Variants in TTC23L observed in about 807,000 individuals in gnomAD.
TTC23L encodes the protein tetratricopeptide repeat protein 23-like.
A neutral mutation model predicts 48.1 loss-of-function variants in TTC23L; 42 were observed. The observed-to-expected ratio is 0.87, with a 90% confidence interval of 0.68 to 1.13. The LOEUF (loss-of-function observed/expected upper bound fraction) is 1.13. TTC23L is among the 50% of genes most tolerant of loss of function. TTC23L has a pLI of 0.00. For missense variants in TTC23L, 391 were observed against 421.0 expected (o/e 0.93, Z 0.62); for synonymous variants, 159 against 157.2 (o/e 1.01, Z -0.09).
chr5:34,843,982 T>TA (rs201569717), intron 2 of TTC23L, among the ~76,000 whole-genome samples: 72 of 151,440 alleles, frequency 4.8e-4, no homozygotes, highest in African/African-American at 1.5e-3. Flanking sequence ...CAAACAACAA[T>TA]AAAAAAAAAT....
chr5:34,876,483 AG>A (rs1291318293), intron 8 of TTC23L, among the ~76,000 whole-genome samples: 1 of 152,210 alleles, frequency 6.6e-6, no homozygotes, highest in Non-Finnish European at 1.5e-5. Flanking sequence ...GAAAAACTCT[AG>A]GCTCACAAAT....
chr5:34,879,052 A>G (rs1482724567), intron 8 of TTC23L, among the ~76,000 whole-genome samples: 1 of 152,212 alleles, frequency 6.6e-6, no homozygotes, highest in African/African-American at 2.4e-5. Context: ...AGCAAAATGG[A>G]TGGAACTGAA....
At chr5:34,914,302 A>G in the TTC23L span, among the ~76,000 whole-genome samples, 3 of 152,250 alleles carry the variant, frequency 2.0e-5, no homozygotes, top group Non-Finnish European at 4.4e-5. Context: ...GACTGTTGGC[A>G]AATCACTTAA....
intron 4 of TTC23L, among the ~76,000 whole-genome samples, chr5:34,860,543 C>T (rs1464262980): frequency 3.3e-5 from 5 of 152,150 alleles, no homozygotes; most frequent in Non-Finnish European, 7.3e-5. Flanking sequence ...GCTGTAACTA[C>T]TGGAAGTGTG....
chr5:34,903,202 G>A (rs1763552963), downstream of TTC23L, among the ~76,000 whole-genome samples: 1 of 152,044 alleles, frequency 6.6e-6, no homozygotes, highest in Admixed American at 6.5e-5. Flanking sequence ...CATTGTCTGA[G>A]GTTTTGATAT....
chr5:34,897,008 T>G, intron 10 of TTC23L, 133 bp downstream of exon 10: 1 of 498,674 alleles, frequency 2.0e-6, no homozygotes, highest in Non-Finnish European at 3.6e-6. Context: ...AAAAATCATT[T>G]AAGGAAAAAA....
chr5:34,906,470 C>G, the TTC23L span: 1 of 152,044 alleles, frequency 6.6e-6, no homozygotes, highest in Non-Finnish European at 1.5e-5. Flanking sequence ...AAAACCCCAT[C>G]TCTACAAAAA....
At chr5:34,919,821 C>A in the TTC23L span, 1 of 866,704 alleles carries the variant, frequency 1.2e-6, no homozygotes, top group Non-Finnish European at 1.7e-6. Flanking sequence ...CTTGCTTTTT[C>A]TTTTTTTTCT....
chr5:34,847,457 A>G (rs1759300513), intron 3 of TTC23L, among the ~76,000 whole-genome samples: 1 of 150,214 alleles, frequency 6.7e-6, no homozygotes, highest in Non-Finnish European at 1.5e-5. Context: ...TTCTTTGTAT[A>G]TCAGTTATAG....
At position 34,859,887 on chromosome 5, in the gene TTC23L, A is replaced by G. The variant is rs181315852; in HGVS notation, c.380-3011A>G. On this transcript the variant is annotated intron_variant, in intron 4 of 10. Transcript: ENST00000505624. ...GAGACGGAATCTCACTCTGTTGTCC[A>G]GGCTGGAGTGCAGTAGCGTGATCTC... Among the ~76,000 whole-genome samples, 57 of 119,950 alleles carry G rather than the reference A, an allele frequency of 4.8e-4. No individual in the cohort carries two copies. The East Asian group carries it at 0.013, about 28-fold the overall frequency. The allele number at this position is 119,950 out of a possible 152,430, so 78.7% of individuals were successfully genotyped here.
chr5:34,922,219 T>G, the TTC23L span: 3 of 1,566,696 alleles, frequency 1.9e-6, no homozygotes, highest in Non-Finnish European at 2.6e-6. Context: ...TCCTTTAGGT[T>G]TGTGAAATGA....
intron 8 of TTC23L, among the ~76,000 whole-genome samples, chr5:34,870,990 A>T (rs1314442487): frequency 1.3e-5 from 2 of 152,204 alleles, no homozygotes; most frequent in Non-Finnish European, 2.9e-5. Context: ...AAAACCCTGC[A>T]GCTGATTTCA....
chr5:34,877,938 G>A (rs544201676), intron 8 of TTC23L, among the ~76,000 whole-genome samples: 2 of 152,174 alleles, frequency 1.3e-5, no homozygotes, highest in East Asian at 3.9e-4. Flanking sequence ...AAATTTGAAA[G>A]AATCAACAAA....
At chr5:34,924,944 A>G in the TTC23L span, 2 of 1,613,536 alleles carry the variant, frequency 1.2e-6, no homozygotes, top group Non-Finnish European at 1.7e-6. Flanking sequence ...CCAACTTTAT[A>G]TGAAAATCCT....
the TTC23L span, chr5:34,918,051 C>A: frequency 1.1e-5 from 2 of 186,262 alleles, no homozygotes; most frequent in East Asian, 1.3e-4. Flanking sequence ...GTGGTTCTTA[C>A]CTATAATCCC....
intron 8 of TTC23L, among the ~76,000 whole-genome samples, chr5:34,871,482 T>C (rs550824433): frequency 1.3e-5 from 2 of 152,318 alleles, no homozygotes; most frequent in East Asian, 3.9e-4. Flanking sequence ...TCTTCCAAGA[T>C]TGATCTGCAG....
chr5:34,913,789 C>T, the TTC23L span: 3 of 553,278 alleles, frequency 5.4e-6, no homozygotes, highest in Non-Finnish European at 9.9e-6. Flanking sequence ...CTGTGACTCT[C>T]CCTTGTCTCG....
downstream of TTC23L, among the ~76,000 whole-genome samples, chr5:34,901,554 G>A (rs1390740960): frequency 6.6e-6 from 1 of 152,070 alleles, no homozygotes; most frequent in Non-Finnish European, 1.5e-5. Context: ...TCTGAGGTCA[G>A]GAGTTTGAGA....
At chr5:34,911,743 C>T in the TTC23L span, 1 of 1,614,162 alleles carries the variant, frequency 6.2e-7, no homozygotes, top group Non-Finnish European at 8.5e-7. Flanking sequence ...CACCACTCCT[C>T]CTTCTTCCAG....
Sources: gnomAD v4.1 joint callset for allele counts (sites outside exome capture counted in the v4.1 genomes callset) on GRCh38, gnomAD v4.1.1 for gene constraint, MANE v1.5 for transcripts, NCBI Gene and HGNC (gene_info 2026-07-23, HGNC 2026-07-21) for gene names.